YIPF5: variants seen among roughly 807,000 people sequenced by gnomAD.
YIPF5 encodes the protein protein YIPF5.
In YIPF5, 8 loss-of-function variants were observed where a neutral mutation model predicts 30.4. The ratio of observed to expected loss-of-function variants is 0.26; its 90% CI spans 0.15 to 0.47. YIPF5 has a LOEUF of 0.47. YIPF5 is among the 20% of genes least tolerant of loss of function. The pLI, the probability that YIPF5 is intolerant of heterozygous loss-of-function variation, is 0.99. For synonymous variants in YIPF5, 104 were observed against 107.9 expected, an observed-to-expected ratio of 0.96 and a Z score of 0.23; for missense variants, 282 against 301.8, an observed-to-expected ratio of 0.93 and a Z score of 0.49.
In YIPF5 at chr5:144,159,415, T is replaced by C. The variant is rs1751963146; in HGVS notation, c.*982A>G. The C allele has an allele frequency of 1.0e-6, 1 of 985,290 alleles. No homozygotes were observed. Among genetic ancestry groups the C allele is most frequent in the Non-Finnish European group, 1.2e-6 (1 of 829,924 alleles). 61.0% of individuals were successfully genotyped at this position (985,290 alleles called of 1,614,324 possible). A position where few individuals can be genotyped will look rare whatever the true frequency, so the allele number is the denominator to read the frequency against. ...TTTGGGAAATGTGGCGATCCAACGA[T>C]TATAGCATTAATGCAACCATTCCAG... On this transcript the variant is annotated 3_prime_UTR_variant, in exon 6 of 6. Coordinates refer to ENST00000274496, the MANE Select transcript of YIPF5 (RefSeq NM_030799.9).
intron 5 of YIPF5, among the ~76,000 whole-genome samples, chr5:144,161,333 CTTTTTTTTTTTTTTTTTTT>C (rs57703406): frequency 1.5e-5 from 1 of 64,646 alleles, no homozygotes; most frequent in African/African-American, 6.6e-5. Context: ...CCTTTCCTTC[CTTTTTTTTTTTTTTTTTTT>C]TTTTTTTTTG....
Position 144,169,989 on chromosome 5 carries a change from A to G in YIPF5, c.-10-24T>C, listed in dbSNP as rs201853272. The stretch of plus-strand genomic sequence containing the variant: ...ATCTGTAATAAAAGAGAAATGGCAA[A>G]TATTCCTTATGCCCAAGGTTCTACT... On this transcript the variant is annotated intron_variant, in intron 1 of 5. Coordinates refer to ENST00000274496, the MANE Select transcript of YIPF5 (RefSeq NM_030799.9). 6 of 1,575,548 alleles carry G rather than the reference A, an allele frequency of 3.8e-6. No individual in the cohort carries two copies. The East Asian group carries it at 1.3e-4, about 35-fold the overall frequency.
chr5:144,160,112 T>A lies in YIPF5; in HGVS notation c.*285A>T. 5 of 1,094,614 alleles carry A rather than the reference T, an allele frequency of 4.6e-6. No homozygotes were observed. Among genetic ancestry groups the A allele is most frequent in the Non-Finnish European group, 5.5e-6 (5 of 901,800 alleles). 67.8% of individuals were successfully genotyped at this position (1,094,614 alleles called of 1,614,324 possible). ...AAAATCTATCAAAAACATTATAATT[T>A]GCAAGGAAAAAGGTTTTTCAATGGC... On this transcript the variant is annotated 3_prime_UTR_variant, in exon 6 of 6. Transcript: ENST00000274496.
chr5:144,166,243 A>T (rs978320988), intron 2 of YIPF5, among the ~76,000 whole-genome samples: 1 of 152,148 alleles, frequency 6.6e-6, no homozygotes, highest in Non-Finnish European at 1.5e-5. Flanking sequence ...GCAAAGTACT[A>T]TTTTTCAAAG....
At chr5:144,167,509 A>G (rs1752234368) in intron 2 of YIPF5, among the ~76,000 whole-genome samples, 1 of 152,216 alleles carries the variant, frequency 6.6e-6, no homozygotes, top group African/African-American at 2.4e-5. Context: ...AAGAAAAAAA[A>G]TAACAGCTTT....
intron 2 of YIPF5, 98 bp from the exon 3 acceptor site, chr5:144,165,702 C>T: frequency 7.9e-7 from 1 of 1,268,080 alleles, no homozygotes; most frequent in Non-Finnish European, 1.1e-6. Context: ...GCTAAAGAAC[C>T]TTAGTTGTGA....
At chr5:144,161,361 T>G (rs866285061) in intron 5 of YIPF5, among the ~76,000 whole-genome samples, 7 of 73,900 alleles carry the variant, frequency 9.5e-5, no homozygotes, top group Non-Finnish European at 1.7e-4. Flanking sequence ...TTTTTTTTTT[T>G]GAGACAGTTT....
At position 144,159,506 on chromosome 5, in the gene YIPF5, A is replaced by G; in HGVS notation, c.*891T>C. ...TCGCATTTCATGTCTACAATAAGGTAGATTGTGAACTTCCCGTATCTCTGA... is the reference window on the plus strand; with the variant it reads ...TCGCATTTCATGTCTACAATAAGGTGGATTGTGAACTTCCCGTATCTCTGA... On this transcript the variant is annotated 3_prime_UTR_variant, in exon 6 of 6. Transcript: ENST00000274496. 3 of 985,378 alleles carry G rather than the reference A, an allele frequency of 3.0e-6. No individual in the cohort carries two copies. Among genetic ancestry groups the G allele is most frequent in the Non-Finnish European group, 3.6e-6 (3 of 829,910 alleles). The allele number at this position is 985,378 out of a possible 1,614,324, so 61.0% of individuals were successfully genotyped here.
At position 144,160,629 on chromosome 5, in the gene YIPF5, C is replaced by T. The variant is rs1046482041; in HGVS notation, c.612-70G>A. 56 of 1,269,574 alleles carry T rather than the reference C, an allele frequency of 4.4e-5. No individual in the cohort carries two copies. The African/African-American group carries it at 6.6e-4, about 15-fold the overall frequency. 78.6% of individuals were successfully genotyped at this position (1,269,574 alleles called of 1,614,324 possible). ...TGAGATTAGTTATGTAAGAATACTA[C>T]AATAACCTATTCTAAAGCATTTTAA... On this transcript the variant is annotated intron_variant, in intron 5 of 5. Transcript: ENST00000274496.
At chr5:144,165,312 A>G (rs1752170320) in intron 3 of YIPF5, 120 bp downstream of exon 3, 5 of 1,358,152 alleles carry the variant, frequency 3.7e-6, no homozygotes, top group Non-Finnish European at 4.9e-6. Context: ...TGTTTAGCAG[A>G]AAACTTTTTT....
Position 144,164,173 on chromosome 5 carries a change from T to G in YIPF5, c.367A>C (p.Asn123His). ...ATTGGACCTGCCAAATCAGTTTCAT[T>G]CATGATGCTGCCATCTGCTACTTTT... ...PLKVADGSIM[N>H]ETDLAGPMVF... is the part of the protein sequence containing the mutation. The change falls in exon 4 of 6, where the codon AAT becomes CAT. Residue 123 changes from asparagine to histidine, a missense_variant. Coordinates refer to ENST00000274496, the MANE Select transcript of YIPF5 (RefSeq NM_030799.9). 2.5e-6 allele frequency: 4 copies of G among 1,613,768 alleles called. No homozygotes were observed. Among genetic ancestry groups the G allele is most frequent in the Non-Finnish European group, 3.4e-6 (4 of 1,179,814 alleles).
At chr5:144,168,333 G>A (rs766706681) in intron 2 of YIPF5, among the ~76,000 whole-genome samples, 3 of 152,122 alleles carry the variant, frequency 2.0e-5, no homozygotes, top group South Asian at 2.1e-4. Flanking sequence ...GATAAATCTC[G>A]TAGGCTGCAA....
In YIPF5 at chr5:144,158,271, T is replaced by C. The variant is rs180906944; in HGVS notation, c.*2126A>G. Reference sequence around the variant, plus strand: ...TACAACTCTGCATGTAATCAAACTCTAGAACATCAAATGCAACTCCACTGC... The same window carrying C: ...TACAACTCTGCATGTAATCAAACTCCAGAACATCAAATGCAACTCCACTGC... On this transcript the variant is annotated 3_prime_UTR_variant, in exon 6 of 6. Transcript: ENST00000274496. The C allele has an allele frequency of 3.0e-5, 14 of 473,144 alleles. No individual in the cohort carries two copies. The Admixed American group carries it at 4.1e-4, about 14-fold the overall frequency. The allele number at this position is 473,144 out of a possible 1,614,324, so 29.3% of individuals were successfully genotyped here.
rs1751978497 is a variant in YIPF5, at chr5:144,159,830, C to T, written c.*567G>A. The T allele has an allele frequency of 1.2e-5, 7 of 560,654 alleles. No individual in the cohort carries two copies. The highest frequency in any genetic ancestry group is 1.6e-5 in the Non-Finnish European group (7 of 442,990). The allele number at this position is 560,654 out of a possible 1,614,324, so 34.7% of individuals were successfully genotyped here. A position where few individuals can be genotyped will look rare whatever the true frequency, so the allele number is the denominator to read the frequency against. ...TTCACACTTCTCCTGCCTCAGCCTC[C>T]TGAGTAGCTGGGACTACAGGCGCCC... On this transcript the variant is annotated 3_prime_UTR_variant, in exon 6 of 6. Coordinates refer to ENST00000274496, the MANE Select transcript of YIPF5 (RefSeq NM_030799.9).
chr5:144,164,654 C>A (rs1752150983), intron 3 of YIPF5, among the ~76,000 whole-genome samples: 2 of 151,816 alleles, frequency 1.3e-5, no homozygotes, highest in Non-Finnish European at 2.9e-5. Flanking sequence ...CCAGCCTCAG[C>A]CCCACAAAGC....
chr5:144,158,997 C>T lies in YIPF5; in HGVS notation c.*1400G>A, dbSNP rs548958928. 1.3e-5 allele frequency: 13 copies of T among 984,066 alleles called. No homozygotes were observed. In the Admixed American group the frequency reaches 4.3e-4, roughly 33 times the overall value. The allele number at this position is 984,066 out of a possible 1,614,324, so 61.0% of individuals were successfully genotyped here. On this transcript the variant is annotated 3_prime_UTR_variant, in exon 6 of 6. Coordinates refer to ENST00000274496, the MANE Select transcript of YIPF5 (RefSeq NM_030799.9). ...ACTGAGCTTTGTCCAGAATCAGAGACAGTTTTTCTAGAAAAAGCCAATGAT... is the reference window on the plus strand; with the variant it reads ...ACTGAGCTTTGTCCAGAATCAGAGATAGTTTTTCTAGAAAAAGCCAATGAT...
At chr5:144,166,530 C>T (rs1338386396) in intron 2 of YIPF5, among the ~76,000 whole-genome samples, 1 of 152,078 alleles carries the variant, frequency 6.6e-6, no homozygotes, top group Non-Finnish European at 1.5e-5. Context: ...TAGTCTAATT[C>T]CCATTTAAAT....
chr5:144,169,794 T>C (rs1752314221), intron 2 of YIPF5, 52 bp downstream of exon 2: 3 of 1,432,868 alleles, frequency 2.1e-6, no homozygotes, highest in Middle Eastern at 1.8e-4. Context: ...ATTCTAAATA[T>C]GTGTTTTCAC....
Position 144,162,355 on chromosome 5 carries a change from A to G in YIPF5, c.474T>C (p.Ile158=). 6.2e-7 allele frequency: 1 copy of G among 1,614,042 alleles called. No individual in the cohort carries two copies. The highest frequency in any genetic ancestry group is 8.5e-7 in the Non-Finnish European group (1 of 1,179,942). ...ATAAACAAAACATTCCTAGACATCC[A>G]ATTGCACTGATCCCGTATACATAGC... ...QFGYVYGISA[I]GCLGMFCLLN... is the part of the protein sequence containing the mutation. The change falls in exon 5 of 6, where the codon ATT becomes ATC. Residue 158 remains isoleucine (I), a synonymous_variant. Coordinates refer to ENST00000274496, the MANE Select transcript of YIPF5 (RefSeq NM_030799.9).
Sources: gnomAD v4.1 joint callset for allele counts (sites outside exome capture counted in the v4.1 genomes callset) on GRCh38, gnomAD v4.1.1 for gene constraint, MANE v1.5 for transcripts, NCBI Gene and HGNC (gene_info 2026-07-23, HGNC 2026-07-21) for gene names.